GLCCI1: variants seen among roughly 807,000 people sequenced by gnomAD.
GLCCI1 encodes the protein glucocorticoid-induced transcript 1 protein.
Under a neutral mutation model 52.2 loss-of-function variants are expected in GLCCI1, and 24 were observed. The observed-to-expected ratio is 0.46, with a 90% confidence interval of 0.33 to 0.65. GLCCI1 has a LOEUF of 0.65. GLCCI1 is among the 30% of genes least tolerant of loss of function. The pLI is 0.02. For synonymous variants in GLCCI1, 310 were observed against 276.5 expected (o/e 1.12, Z -1.20); for missense variants, 704 against 701.5 (o/e 1.00, Z -0.04).
At chr7:7,987,019 A>C (rs963442498) in intron 1 of GLCCI1, among the ~76,000 whole-genome samples, 1 of 152,142 alleles carries the variant, frequency 6.6e-6, no homozygotes, top group Non-Finnish European at 1.5e-5. Context: ...TTCCCATGCC[A>C]GTTGTCTTGC....
chr7:7,986,077 C>T (rs1038682671), intron 1 of GLCCI1, among the ~76,000 whole-genome samples: 4 of 152,064 alleles, frequency 2.6e-5, no homozygotes, highest in Non-Finnish European at 5.9e-5. Flanking sequence ...GGATATTTTG[C>T]TCATGGTTTT....
In GLCCI1 at chr7:8,086,045, T is replaced by A. The variant is rs536695403; in HGVS notation, c.1299-148T>A. The A allele has an allele frequency of 1.5e-6, 1 of 647,256 alleles. No individual in the cohort carries two copies. The highest frequency in any genetic ancestry group is 1.8e-5 in the African/African-American group (1 of 55,038). 40.1% of individuals were successfully genotyped at this position (647,256 alleles called of 1,614,324 possible). On this transcript the variant is annotated intron_variant, in intron 7 of 7. Coordinates refer to ENST00000223145, the MANE Select transcript of GLCCI1 (RefSeq NM_138426.4). The surrounding 1 kb of genome is among the most constrained non-coding windows in gnomAD (Gnocchi z 4.4). ...GAATAGTCTGCCAGCTGACTTGTGC[T>A]ATGGAAGATGTTTACCCCTCTGTAT...
Position 7,969,461 on chromosome 7 carries a change from C to T in GLCCI1, c.111C>T (p.Ala37=). The part of the protein sequence containing the change: ...AAGSPPAVAA[A]GSGNGAGGGG... ...GGTCCCCGCCCGCCGTCGCCGCCGC[C>T]GGGAGCGGGAACGGTGCGGGCGGCG... The change falls in exon 1 of 8, where the codon GCC becomes GCT. Residue 37 remains alanine (A), a synonymous_variant. Coordinates refer to ENST00000223145, the MANE Select transcript of GLCCI1 (RefSeq NM_138426.4). The surrounding 1 kb of genome is among the most constrained non-coding windows in gnomAD (Gnocchi z 4.9). The T allele has an allele frequency of 1.7e-6, 2 of 1,143,666 alleles. No individual in the cohort carries two copies. The highest frequency in any genetic ancestry group is 4.7e-5 in the Admixed American group (1 of 21,276). The allele number at this position is 1,143,666 out of a possible 1,614,324, so 70.8% of individuals were successfully genotyped here.
chr7:8,071,537 T>C (rs1262718611), intron 6 of GLCCI1, among the ~76,000 whole-genome samples: 1 of 152,208 alleles, frequency 6.6e-6, no homozygotes, highest in Non-Finnish European at 1.5e-5. Flanking sequence ...AAAAATTCTG[T>C]TGGAAAAAGT....
chr7:7,976,497 A>AAAAAAAAAAAAAT (rs1780473555), intron 1 of GLCCI1, among the ~76,000 whole-genome samples: 1 of 141,302 alleles, frequency 7.1e-6, no homozygotes, highest in East Asian at 2.0e-4. Context: ...AAAAAAAAAA[A>AAAAAAAAAAAAAT]AGGAAAGGAA....
chr7:8,072,071 C>G (rs1317627203), intron 6 of GLCCI1, among the ~76,000 whole-genome samples: 1 of 152,160 alleles, frequency 6.6e-6, no homozygotes, highest in African/African-American at 2.4e-5. Context: ...CTACCTACAT[C>G]AAGTATAGAT....
At chr7:8,004,249 G>T in intron 2 of GLCCI1, 190 bp downstream of exon 2, 1 of 535,534 alleles carries the variant, frequency 1.9e-6, no homozygotes, top group Non-Finnish European at 3.2e-6. Context: ...TAGAAGTTTT[G>T]AAATTCTTTA....
chr7:7,981,483 T>G (rs37982), intron 1 of GLCCI1: 4,442 of 189,384 alleles, frequency 0.023, 202 homozygotes, highest in African/African-American at 0.092. Context: ...CCACCACACC[T>G]GGCTAATTTT....
intron 3 of GLCCI1, among the ~76,000 whole-genome samples, chr7:8,028,929 A>G (rs1781686893): frequency 6.6e-6 from 1 of 152,208 alleles, no homozygotes; most frequent in Non-Finnish European, 1.5e-5. Flanking sequence ...CAAATGGGCC[A>G]ATAACAAGTA....
Position 8,056,823 on chromosome 7 carries a change from A to G in GLCCI1, c.813+1274A>G, listed in dbSNP as rs979428347. On this transcript the variant is annotated intron_variant, in intron 4 of 7. Transcript: ENST00000223145. Reference sequence around the variant, plus strand: ...TAATGTGACTAACTGCAAATACAGTAAGATCCTAACAATAAAATATTAGTA... The same window carrying G: ...TAATGTGACTAACTGCAAATACAGTGAGATCCTAACAATAAAATATTAGTA... 5.3e-5 allele frequency among the ~76,000 whole-genome samples: 8 copies of G among 152,342 alleles called. No individual in the cohort carries two copies. The South Asian group carries it at 1.7e-3, about 32-fold the overall frequency.
intron 6 of GLCCI1, among the ~76,000 whole-genome samples, chr7:8,079,420 ATTTAT>A (rs1424068567): frequency 1.3e-5 from 2 of 150,878 alleles, no homozygotes; most frequent in South Asian, 2.1e-4. Context: ...GTGCAATCCA[ATTTAT>A]TTTGTTTAGT....
chr7:7,969,233 C>T lies in GLCCI1; in HGVS notation c.-118C>T, dbSNP rs907498877. On this transcript the variant is annotated 5_prime_UTR_variant, in exon 1 of 8. Transcript: ENST00000223145. The surrounding 1 kb of genome is among the most constrained non-coding windows in gnomAD (Gnocchi z 4.9). ...CGAGACTCCTCCCCCACAGCGATAC[C>T]CCCGCCCCTCCCCCTTACACACTCG... is the stretch of plus-strand genomic sequence containing the variant. The T allele has an allele frequency of 4.4e-6, 4 of 917,988 alleles. No homozygotes were observed. In the African/African-American group the frequency reaches 5.3e-5, roughly 12 times the overall value. 56.9% of individuals were successfully genotyped at this position (917,988 alleles called of 1,614,324 possible). A position where few individuals can be genotyped will look rare whatever the true frequency, so the allele number is the denominator to read the frequency against.
chr7:8,064,709 ATTTTT>A (rs1782592049), intron 5 of GLCCI1, among the ~76,000 whole-genome samples: 2 of 151,766 alleles, frequency 1.3e-5, no homozygotes, highest in South Asian at 2.1e-4. Flanking sequence ...TTTTTATTTT[ATTTTT>A]ATTTTTTTGG....
chr7:7,992,526 T>A (rs1334439578), intron 1 of GLCCI1, among the ~76,000 whole-genome samples: 1 of 152,140 alleles, frequency 6.6e-6, no homozygotes, highest in African/African-American at 2.4e-5. Context: ...TACTTGAAGG[T>A]CACTTTAGCT....
At chr7:8,042,258 A>G (rs962976663) in intron 3 of GLCCI1, among the ~76,000 whole-genome samples, 2 of 152,240 alleles carry the variant, frequency 1.3e-5, no homozygotes, top group African/African-American at 4.8e-5. Flanking sequence ...TAAGAAGTAC[A>G]TTTTGTAAGG....
chr7:7,982,382 A>G (rs1050568368), intron 1 of GLCCI1, among the ~76,000 whole-genome samples: 10 of 152,178 alleles, frequency 6.6e-5, no homozygotes, highest in Non-Finnish European at 1.5e-4. Context: ...CTGATTATAT[A>G]GGGCACTGAA....
intron 5 of GLCCI1, among the ~76,000 whole-genome samples, chr7:8,067,614 T>A (rs1782659699): frequency 6.6e-6 from 1 of 152,200 alleles, no homozygotes; most frequent in African/African-American, 2.4e-5. Context: ...AGGATCTTAT[T>A]TGTCCTGTGC....
intron 2 of GLCCI1, among the ~76,000 whole-genome samples, chr7:8,008,361 C>G (rs781708911): frequency 1.6e-4 from 24 of 151,330 alleles, no homozygotes; most frequent in Non-Finnish European, 2.5e-4. Context: ...TCTTGGCTCA[C>G]TTCAACCTCT....
intron 3 of GLCCI1, among the ~76,000 whole-genome samples, chr7:8,038,310 G>A (rs1244491299): frequency 2.0e-5 from 3 of 152,132 alleles, no homozygotes; most frequent in Non-Finnish European, 4.4e-5. Flanking sequence ...AATGGTGAAA[G>A]CAGTCTTAAG....
Sources: gnomAD v4.1 joint callset for allele counts (sites outside exome capture counted in the v4.1 genomes callset) on GRCh38, gnomAD v4.1.1 for gene constraint, Gnocchi (gnomAD v3.1) non-coding constraint, MANE v1.5 for transcripts, NCBI Gene and HGNC (gene_info 2026-07-23, HGNC 2026-07-21) for gene names.